GPC5: variants seen among roughly 807,000 people sequenced by gnomAD.
The protein encoded by GPC5 is glypican-5.
A neutral mutation model predicts 53.9 loss-of-function variants in GPC5; 47 were observed. The observed-to-expected ratio is 0.87, with a 90% CI of 0.69 to 1.11. The LOEUF (loss-of-function observed/expected upper bound fraction) is 1.11. GPC5 is among the 50% of genes most tolerant of loss of function. The pLI is 0.00. For synonymous variants in GPC5, 286 were observed against 263.3 expected (o/e 1.09, Z -0.84); for missense variants, 748 against 713.1 (o/e 1.05, Z -0.56).
At chr13:91,700,458 G>A (rs567891174) in intron 3 of GPC5, among the ~76,000 whole-genome samples, 1 of 152,260 alleles carries the variant, frequency 6.6e-6, no homozygotes, top group African/African-American at 2.4e-5. Context: ...AATATCTTGT[G>A]AAAGTCTGAA....
intron 2 of GPC5, among the ~76,000 whole-genome samples, chr13:91,633,564 C>T (rs2034213502): frequency 6.6e-6 from 1 of 152,034 alleles, no homozygotes; most frequent in Non-Finnish European, 1.5e-5. Flanking sequence ...GAAGATGGTT[C>T]CTTGTGGAAG....
intron 5 of GPC5, among the ~76,000 whole-genome samples, chr13:91,847,463 A>G (rs1019507026): frequency 1.9e-4 from 29 of 152,134 alleles, no homozygotes; most frequent in Admixed American, 1.5e-3. Flanking sequence ...GTCAAAGAGC[A>G]ACCATGTAGA....
chr13:91,744,706 A>G (rs966274531), intron 4 of GPC5, among the ~76,000 whole-genome samples: 1 of 152,138 alleles, frequency 6.6e-6, no homozygotes, highest in African/African-American at 2.4e-5. Flanking sequence ...GAGGTTAATA[A>G]TATCTAGATT....
rs191615598 is a variant in GPC5 at position 92,077,250 on chromosome 13, C to T, written c.1402-67580C>T. ...CTCCTGAGGGCTGTGTCATGTGCCA[C>T]GGTCACTCATATATGGCTCAGAATA... On this transcript the variant is annotated intron_variant, in intron 6 of 7. Coordinates refer to ENST00000377067, the MANE Select transcript of GPC5 (RefSeq NM_004466.6). Among the ~76,000 whole-genome samples, 316 of 152,286 alleles carry T rather than the reference C, an allele frequency of 2.1e-3. 2 individuals are homozygous for T. Among genetic ancestry groups the T allele is most frequent in the African/African-American group, 7.1e-3 (295 of 41,556 alleles).
chr13:92,863,081 C>G (rs1307081480), intron 7 of GPC5, among the ~76,000 whole-genome samples: 1 of 152,178 alleles, frequency 6.6e-6, no homozygotes, highest in East Asian at 1.9e-4. Flanking sequence ...AGCACCTACT[C>G]AGCCATTCCA....
In GPC5 at chr13:91,543,464, GT is replaced by G. The variant is rs564943170; in HGVS notation, c.325+94549del. On this transcript the variant is annotated intron_variant, in intron 2 of 7. Transcript: ENST00000377067. ...TTTTATATGATTTATAATTGCTTTT[GT>G]TTTTTTCCCTTTTATTACCACTTGC... Among the ~76,000 whole-genome samples, 341 of 151,764 alleles carry G rather than the reference GT, an allele frequency of 2.2e-3. 2 individuals are homozygous for G. The highest frequency in any genetic ancestry group is 7.9e-3 in the African/African-American group (325 of 41,384).
intron 7 of GPC5, among the ~76,000 whole-genome samples, chr13:92,791,290 G>T (rs1189126283): frequency 6.6e-6 from 1 of 151,930 alleles, no homozygotes; most frequent in Non-Finnish European, 1.5e-5. Flanking sequence ...TAAAAATTTA[G>T]CTGGGTCAAG....
intron 7 of GPC5, among the ~76,000 whole-genome samples, chr13:92,221,982 C>T (rs1368431893): frequency 1.3e-5 from 2 of 152,102 alleles, no homozygotes; most frequent in African/African-American, 4.8e-5. Flanking sequence ...AGACATTTTA[C>T]GAATTGCATG....
intron 6 of GPC5, among the ~76,000 whole-genome samples, chr13:91,938,200 A>G (rs79860781): frequency 0.017 from 2,548 of 152,138 alleles, 66 homozygotes; most frequent in African/African-American, 0.059. Flanking sequence ...TACAGGAAGC[A>G]TATTGCCATC....
At chr13:91,464,122 A>G in intron 2 of GPC5, among the ~76,000 whole-genome samples, 1 of 152,268 alleles carries the variant, frequency 6.6e-6, no homozygotes, top group Non-Finnish European at 1.5e-5. Context: ...AACTAAGTAC[A>G]TGAAAAGATA....
intron 7 of GPC5, among the ~76,000 whole-genome samples, chr13:92,718,048 T>TA (rs1187052174): frequency 7.2e-5 from 11 of 152,112 alleles, no homozygotes; most frequent in Admixed American, 2.6e-4. Context: ...GGGCAAACAA[T>TA]AAAAAATGCT....
chr13:91,501,054 T>C (rs1464962411), intron 2 of GPC5, among the ~76,000 whole-genome samples: 1 of 152,114 alleles, frequency 6.6e-6, no homozygotes, highest in African/African-American at 2.4e-5. Context: ...AACCTCTTTT[T>C]CTTTGTAAAT....
At chr13:91,437,327 A>G (rs1171177511) in intron 1 of GPC5, among the ~76,000 whole-genome samples, 10 of 152,252 alleles carry the variant, frequency 6.6e-5, no homozygotes, top group East Asian at 1.9e-4. Context: ...GGCTGGTACC[A>G]ATTGTTCCTT....
rs185450323 is a variant in GPC5, at chr13:91,932,865, C to T, written c.1401+24808C>T. Among the ~76,000 whole-genome samples the T allele has an allele frequency of 1.4e-4, 22 of 151,962 alleles. No individual in the cohort carries two copies. In the East Asian group the frequency reaches 1.5e-3, roughly 11 times the overall value. Reference sequence around the variant, plus strand: ...CTGCATTTCTCTAAGTATATTCCAACGACACCAAAATAGTAATTCTTAATA... The same window carrying T: ...CTGCATTTCTCTAAGTATATTCCAATGACACCAAAATAGTAATTCTTAATA... On this transcript the variant is annotated intron_variant, in intron 6 of 7. Coordinates refer to ENST00000377067, the MANE Select transcript of GPC5 (RefSeq NM_004466.6).
chr13:92,086,956 G>A (rs1258979792), intron 6 of GPC5, among the ~76,000 whole-genome samples: 1 of 152,184 alleles, frequency 6.6e-6, no homozygotes, highest in Non-Finnish European at 1.5e-5. Flanking sequence ...ACCACACCCA[G>A]CCAACCAAAT....
At chr13:92,276,200 G>A (rs761737742) in intron 7 of GPC5, among the ~76,000 whole-genome samples, 18 of 152,102 alleles carry the variant, frequency 1.2e-4, no homozygotes, top group Non-Finnish European at 2.4e-4. Context: ...GTCAAATTTT[G>A]TTCCTTTTGT....
rs761426969 is a variant in GPC5, at chr13:91,693,859, A to G, written c.998A>G (p.Asn333Ser). Residue 333 changes from asparagine (N) to serine (S), a missense_variant, in exon 3 of 8, where the codon AAT (asparagine) becomes AGT (serine). Transcript: ENST00000377067. ...GATGCTGTGTTACAGGCTCACCTCA[A>G]TGGACAAAAATTATTGGAACAGGTA... is the stretch of plus-strand genomic sequence containing the variant. ...VNDAVLQAHL[N>S]GQKLLEQVNR... 4 of 1,596,340 alleles carry G rather than the reference A, an allele frequency of 2.5e-6. No individual in the cohort carries two copies. Among genetic ancestry groups the G allele is most frequent in the Non-Finnish European group, 3.4e-6 (4 of 1,170,702 alleles).
chr13:92,830,652 T>C (rs954324800), intron 7 of GPC5, among the ~76,000 whole-genome samples: 4 of 152,084 alleles, frequency 2.6e-5, no homozygotes, highest in Admixed American at 2.6e-4. Context: ...ATAAAGGAGT[T>C]GTATTTATGG....
At chr13:91,719,487 A>C (rs900378759) in intron 3 of GPC5, among the ~76,000 whole-genome samples, 1 of 152,164 alleles carries the variant, frequency 6.6e-6, no homozygotes, top group Non-Finnish European at 1.5e-5. Flanking sequence ...TACCTGCACT[A>C]TCTCTGAAAT....
Sources: allele counts gnomAD v4.1 joint callset (sites outside exome capture counted in the v4.1 genomes callset), GRCh38; gene constraint gnomAD v4.1.1; transcripts MANE v1.5; gene names NCBI Gene and HGNC (gene_info 2026-07-23, HGNC 2026-07-21).